The following TENM2 variants were observed in gnomAD, a reference collection of about 807,000 sequenced individuals.
TENM2 encodes teneurin-2.
TENM2 carries 52 observed loss-of-function variants against 245.2 expected under a neutral mutation model. The ratio of observed to expected loss-of-function variants is 0.21; its 90% CI spans 0.17 to 0.27. The LOEUF is 0.27. TENM2 is among the 10% of genes least tolerant of loss of function. TENM2 has a pLI of 1.00. For synonymous variants in TENM2, 1,363 were observed against 1,438.9 expected (o/e 0.95, Z 1.19); for missense variants, 3,046 against 3,666.8 (o/e 0.83, Z 4.37).
intron 2 of TENM2, among the ~76,000 whole-genome samples, chr5:167,675,591 A>T (rs1434189305): frequency 2.0e-5 from 3 of 152,118 alleles, no homozygotes; most frequent in Admixed American, 2.0e-4. Flanking sequence ...TTTCTTGACC[A>T]CATGATTTAA....
At chr5:167,486,147 A>C (rs2127535770) in intron 2 of TENM2, among the ~76,000 whole-genome samples, 1 of 152,276 alleles carries the variant, frequency 6.6e-6, no homozygotes, top group Non-Finnish European at 1.5e-5. Context: ...GCAAAATAAA[A>C]GTAAAGATTT....
the TENM2 span, among the ~76,000 whole-genome samples, chr5:167,126,737 G>A: frequency 2.0e-5 from 3 of 151,868 alleles, no homozygotes; most frequent in Non-Finnish European, 4.4e-5. Flanking sequence ...TTTTATTTTA[G>A]TTTAAAAATT....
chr5:167,566,941 T>TAAAAA (rs1773945478), intron 2 of TENM2, among the ~76,000 whole-genome samples: 1 of 152,214 alleles, frequency 6.6e-6, no homozygotes, highest in Non-Finnish European at 1.5e-5. Context: ...AAGACAGACT[T>TAAAAA]CTGTTCAGCA....
chr5:167,261,930 G>A, the TENM2 span, among the ~76,000 whole-genome samples: 2 of 152,076 alleles, frequency 1.3e-5, no homozygotes, highest in African/African-American at 4.8e-5. Flanking sequence ...GCTCCATTTT[G>A]GGGTCAGACC....
intron 2 of TENM2, among the ~76,000 whole-genome samples, chr5:167,668,919 C>T (rs1755753094): frequency 6.6e-6 from 1 of 152,130 alleles, no homozygotes; most frequent in South Asian, 2.1e-4. Flanking sequence ...CCCCACTGAA[C>T]TTCAGCCTGA....
the TENM2 span, among the ~76,000 whole-genome samples, chr5:167,144,728 C>CTTT: frequency 6.6e-6 from 1 of 152,218 alleles, no homozygotes; most frequent in Admixed American, 6.5e-5. Context: ...GCAGAGTTGA[C>CTTT]TTTTGCCTCT....
At chr5:168,115,957 T>C (rs1302949145) in intron 9 of TENM2, among the ~76,000 whole-genome samples, 1 of 152,126 alleles carries the variant, frequency 6.6e-6, no homozygotes, top group Non-Finnish European at 1.5e-5. Flanking sequence ...ACGCCTGCCA[T>C]CCCAGACCTA....
the TENM2 span, among the ~76,000 whole-genome samples, chr5:167,218,767 G>A: frequency 3.4e-3 from 521 of 152,242 alleles, 4 homozygotes; most frequent in African/African-American, 0.012. Flanking sequence ...AAGTATAATG[G>A]TAATTAAGAT....
At chr5:167,250,503 A>G in the TENM2 span, among the ~76,000 whole-genome samples, 4 of 152,276 alleles carry the variant, frequency 2.6e-5, no homozygotes, top group Admixed American at 2.0e-4. Flanking sequence ...TAAAAATGTA[A>G]CATAACATAT....
exon 4 of TENM2, chr5:167,952,637 C>T (rs777418162): frequency 6.2e-7 from 1 of 1,613,204 alleles, no homozygotes; most frequent in East Asian, 2.2e-5. Flanking sequence ...CTCTCCCACC[C>T]CCTCACAACC....
At chr5:168,098,561 T>A (rs1793552196) in intron 9 of TENM2, among the ~76,000 whole-genome samples, 1 of 152,150 alleles carries the variant, frequency 6.6e-6, no homozygotes, top group Non-Finnish European at 1.5e-5. Context: ...GGTTTTAAAT[T>A]GTATTATTAA....
chr5:168,034,930 A>T (rs1787529276), intron 5 of TENM2, among the ~76,000 whole-genome samples: 1 of 152,264 alleles, frequency 6.6e-6, no homozygotes, highest in African/African-American at 2.4e-5. Context: ...ATTTACATTT[A>T]AAAACTCAAA....
the TENM2 span, among the ~76,000 whole-genome samples, chr5:167,137,265 C>A: frequency 1.3e-5 from 2 of 152,144 alleles, no homozygotes; most frequent in Non-Finnish European, 2.9e-5. Context: ...CCTCCTCTAT[C>A]TTCTTTGTCT....
chr5:167,608,525 G>A (rs141533600), intron 2 of TENM2, among the ~76,000 whole-genome samples: 202 of 152,334 alleles, frequency 1.3e-3, no homozygotes, highest in African/African-American at 4.5e-3. Context: ...ATCACAGCAC[G>A]TTTGACAAAT....
intron 22 of TENM2, among the ~76,000 whole-genome samples, chr5:168,217,407 C>A (rs932181451): frequency 6.6e-6 from 1 of 152,162 alleles, no homozygotes; most frequent in African/African-American, 2.4e-5. Flanking sequence ...GTTAGAGAGG[C>A]AGAGAACAGA....
At chr5:168,100,334 A>G (rs1358321423) in intron 9 of TENM2, among the ~76,000 whole-genome samples, 1 of 152,214 alleles carries the variant, frequency 6.6e-6, no homozygotes, top group African/African-American at 2.4e-5. Context: ...GCGATTCCTC[A>G]AGGATCTAGA....
chr5:167,528,947 T>A (rs1268831178), intron 2 of TENM2, among the ~76,000 whole-genome samples: 1 of 152,140 alleles, frequency 6.6e-6, no homozygotes, highest in Non-Finnish European at 1.5e-5. Context: ...TTCTTTCATT[T>A]TAGTTTATTC....
intron 2 of TENM2, among the ~76,000 whole-genome samples, chr5:167,495,898 C>T (rs2127549495): frequency 6.6e-6 from 1 of 152,184 alleles, no homozygotes; most frequent in African/African-American, 2.4e-5. Context: ...TGGTTAAAAA[C>T]TGATTCTCAT....
chr5:167,293,976 CTGTGTGTG>C (rs55869331), intron 1 of TENM2, among the ~76,000 whole-genome samples: 1 of 148,646 alleles, frequency 6.7e-6, no homozygotes, highest in Non-Finnish European at 1.5e-5. Flanking sequence ...GATGTGAGTT[CTGTGTGTG>C]TGTGTGTGTG....
Sources: allele counts gnomAD v4.1 joint callset (sites outside exome capture counted in the v4.1 genomes callset), GRCh38; gene constraint gnomAD v4.1.1; transcripts MANE v1.5; gene names NCBI Gene and HGNC (gene_info 2026-07-23, HGNC 2026-07-21).